FAM184B: variants seen among roughly 807,000 people sequenced by gnomAD.
The protein encoded by FAM184B is protein FAM184B.
FAM184B carries 111 observed loss-of-function variants against 135.9 expected under a neutral mutation model. The observed-to-expected ratio is 0.82, with a 90% CI of 0.70 to 0.96. The LOEUF is 0.96. Ranked by LOEUF, FAM184B falls within the 40% of genes least tolerant of loss-of-function variation. The pLI is 0.00. For missense variants in FAM184B, 1,375 were observed against 1,323.9 expected (o/e 1.04, Z -0.60); for synonymous variants, 552 against 524.8 (o/e 1.05, Z -0.71).
At chr4:17,697,684 C>T (rs539441014) in intron 5 of FAM184B, among the ~76,000 whole-genome samples, 2 of 152,172 alleles carry the variant, frequency 1.3e-5, no homozygotes, top group East Asian at 3.9e-4. Context: ...ATAAAGAAGA[C>T]ACTCACTAAC....
At chr4:17,751,216 G>T (rs1035558331) in intron 1 of FAM184B, among the ~76,000 whole-genome samples, 30 of 150,438 alleles carry the variant, frequency 2.0e-4, no homozygotes, top group African/African-American at 6.4e-4. Flanking sequence ...GCTGAGGCCG[G>T]AGAATCACTT....
At chr4:17,712,435 G>A (rs758621071) in intron 1 of FAM184B, among the ~76,000 whole-genome samples, 11 of 152,278 alleles carry the variant, frequency 7.2e-5, no homozygotes, top group Middle Eastern at 3.4e-3. Flanking sequence ...GCTGCCTGGG[G>A]CATTTACAAT....
At chr4:17,750,745 T>G (rs557744736) in intron 1 of FAM184B, among the ~76,000 whole-genome samples, 3 of 152,346 alleles carry the variant, frequency 2.0e-5, no homozygotes, top group Non-Finnish European at 4.4e-5. Flanking sequence ...AATTTTATTC[T>G]TTAGTATCTT....
intron 16 of FAM184B, 139 bp from the exon 17 acceptor site, chr4:17,634,027 A>G: frequency 1.7e-6 from 1 of 589,200 alleles, no homozygotes; most frequent in Non-Finnish European, 2.6e-6. Context: ...CTTACATGCT[A>G]TTTTTTAAAG....
At chr4:17,756,345 A>C (rs1718420286) in intron 1 of FAM184B, among the ~76,000 whole-genome samples, 1 of 152,246 alleles carries the variant, frequency 6.6e-6, no homozygotes, top group Non-Finnish European at 1.5e-5. Flanking sequence ...AAATTAGTCA[A>C]TTTGAACATC....
In FAM184B at chr4:17,664,659, C is replaced by T. The variant is rs755762793; in HGVS notation, c.1597G>A (p.Asp533Asn). The T allele has an allele frequency of 1.0e-5, 16 of 1,531,318 alleles. No homozygotes were observed. Among genetic ancestry groups the T allele is most frequent in the Non-Finnish European group, 1.4e-5 (16 of 1,141,106 alleles). The allele number at this position is 1,531,318 out of a possible 1,614,324, so 94.9% of individuals were successfully genotyped here. ...GTTTCATCCAGCTTCAAGCATGGAT[C>T]CTAAGGCCAAAAAAGAAAAAGAAAA... ...RQHCSILETQ[D>N]PCLKLDETSP... The change falls in exon 8 of 18, where the codon GAT becomes AAT. Residue 533 changes from aspartate (D) to asparagine (N), a missense_variant and splice_region_variant. By Grantham distance (23) the Asp-to-Asn change is conservative (BLOSUM62 1). Coordinates refer to ENST00000265018, the MANE Select transcript of FAM184B (RefSeq NM_015688.2).
At chr4:17,673,833 C>T (rs1191127287) in intron 7 of FAM184B, among the ~76,000 whole-genome samples, 5 of 18,852 alleles carry the variant, frequency 2.7e-4, no homozygotes, top group Non-Finnish European at 2.8e-3. Flanking sequence ...CTCAGGTGAT[C>T]GGTGTACCAA....
In FAM184B at chr4:17,706,396, G is replaced by A. The variant is rs114200605; in HGVS notation, c.1031-505C>T. ...CCATGGTGGCATCTTTCCCATGCAC[G>A]TTATTCGTCTGCTGCCTGGGCCATG... On this transcript the variant is annotated intron_variant, in intron 3 of 17. Coordinates refer to ENST00000265018, the MANE Select transcript of FAM184B (RefSeq NM_015688.2). 4.2e-3 allele frequency among the ~76,000 whole-genome samples: 634 copies of A among 152,140 alleles called. 7 individuals are homozygous for A. The highest frequency in any genetic ancestry group is 4.2e-3 in the African/African-American group (173 of 41,488).
intron 1 of FAM184B, among the ~76,000 whole-genome samples, chr4:17,767,889 T>A (rs1426924181): frequency 6.6e-6 from 1 of 152,232 alleles, no homozygotes; most frequent in East Asian, 1.9e-4. Context: ...ATCCAGTGTT[T>A]ATTTGCATGC....
At chr4:17,660,942 G>A (rs1383345874) in intron 8 of FAM184B, among the ~76,000 whole-genome samples, 1 of 152,082 alleles carries the variant, frequency 6.6e-6, no homozygotes, top group Non-Finnish European at 1.5e-5. Context: ...CACTCTGCTT[G>A]GCAGAGGTGA....
intron 7 of FAM184B, among the ~76,000 whole-genome samples, chr4:17,666,811 T>C (rs1326843372): frequency 2.0e-5 from 3 of 152,068 alleles, no homozygotes; most frequent in Admixed American, 1.3e-4. Context: ...TGCTCACCTG[T>C]TTCCCTGATG....
In FAM184B at chr4:17,658,343, C is replaced by A; in HGVS notation, c.2037+7G>T. On this transcript the variant is annotated splice_region_variant and intron_variant, in intron 10 of 17. Transcript: ENST00000265018. ...GCACAGAGTAGACGGCACAGTCATT[C>A]CCTCACCTTGAGTTCCTGATGTCTG... is the stretch of plus-strand genomic sequence containing the variant. 6.4e-7 allele frequency: 1 copy of A among 1,551,454 alleles called. No individual in the cohort carries two copies. The highest frequency in any genetic ancestry group is 1.4e-5 in the African/African-American group (1 of 73,156).
At chr4:17,754,465 C>T (rs976313241) in intron 1 of FAM184B, among the ~76,000 whole-genome samples, 6 of 150,408 alleles carry the variant, frequency 4.0e-5, no homozygotes, top group African/African-American at 9.8e-5. Context: ...GCAGGAGAAT[C>T]GCTTGAACCC....
In FAM184B at chr4:17,642,169, G is replaced by T. The variant is rs1397466083; in HGVS notation, c.2406C>A (p.Gly802=). The change falls in exon 13 of 18, where the codon GGC becomes GGA. Residue 802 remains glycine, a synonymous_variant. Transcript: ENST00000265018. ...TCTCCTCCCAGAGCCCGCATCCCTC[G>T]CCGGAACCCTGCCCAGCAGCGCCCG... ...SPPGAAGQGS[G]EGCGLWEENA... is the part of the protein sequence containing the mutation. 3 of 1,532,368 alleles carry T rather than the reference G, an allele frequency of 2.0e-6. No individual in the cohort carries two copies. Among genetic ancestry groups the T allele is most frequent in the African/African-American group, 2.8e-5 (2 of 72,134 alleles). The allele number at this position is 1,532,368 out of a possible 1,614,324, so 94.9% of individuals were successfully genotyped here.
chr4:17,753,425 T>A (rs1281640156), intron 1 of FAM184B, among the ~76,000 whole-genome samples: 1 of 152,190 alleles, frequency 6.6e-6, no homozygotes, highest in Admixed American at 6.5e-5. Flanking sequence ...ATGTTTTAAA[T>A]GTGTTTAAAT....
chr4:17,641,047 C>T (rs999908369), intron 13 of FAM184B, among the ~76,000 whole-genome samples: 5 of 152,190 alleles, frequency 3.3e-5, no homozygotes, highest in East Asian at 1.9e-4. Flanking sequence ...AATCCCCCCT[C>T]ACCAACCTCC....
At chr4:17,765,474 G>C (rs1321097580) in intron 1 of FAM184B, among the ~76,000 whole-genome samples, 2 of 152,114 alleles carry the variant, frequency 1.3e-5, no homozygotes, top group Admixed American at 1.3e-4. Context: ...GGCTCACAAT[G>C]AGGGATTATC....
intron 1 of FAM184B, among the ~76,000 whole-genome samples, chr4:17,774,598 A>G (rs961706802): frequency 3.9e-5 from 6 of 152,140 alleles, no homozygotes; most frequent in Non-Finnish European, 5.9e-5. Flanking sequence ...CCATCCTTCA[A>G]TTGCTGCAAG....
intron 1 of FAM184B, among the ~76,000 whole-genome samples, chr4:17,767,107 G>A (rs545167688): frequency 6.6e-6 from 1 of 152,286 alleles, no homozygotes; most frequent in African/African-American, 2.4e-5. Context: ...CCGAGTGCGG[G>A]GCCGCCGAGC....
Sources: gnomAD v4.1 joint callset for allele counts (sites outside exome capture counted in the v4.1 genomes callset) on GRCh38, gnomAD v4.1.1 for gene constraint, MANE v1.5 for transcripts, NCBI Gene and HGNC (gene_info 2026-07-23, HGNC 2026-07-21) for gene names.